The following SLC35F2 variants were observed in gnomAD, a reference collection of about 807,000 sequenced individuals.
SLC35F2 encodes the protein solute carrier family 35 member F2.
Under a neutral mutation model 38.1 loss-of-function variants are expected in SLC35F2, and 25 were observed. The observed-to-expected ratio is 0.66, with a 90% confidence interval of 0.48 to 0.92. SLC35F2 has a LOEUF of 0.92. SLC35F2 is among the 40% of genes least tolerant of loss of function. SLC35F2 has a pLI of 0.00. For missense variants in SLC35F2, 409 were observed against 452.9 expected, an observed-to-expected ratio of 0.90 and a Z score of 0.88; for synonymous variants, 173 against 181.7, an observed-to-expected ratio of 0.95 and a Z score of 0.38.
In SLC35F2 at chr11:107,858,767, TCGGCGCCCTTGCGCGTCTC is replaced by T. The variant is rs757377931; in HGVS notation, c.-19_-1del. 1.6e-6 allele frequency: 2 copies of T among 1,261,054 alleles called. No homozygotes were observed. The highest frequency in any genetic ancestry group is 2.0e-6 in the Non-Finnish European group (2 of 995,036). 78.1% of individuals were successfully genotyped at this position (1,261,054 alleles called of 1,614,324 possible). Reference sequence around the variant, plus strand: ...GGGCCCGCTGGCGAGTCTGCCTCCATCGGCGCCCTTGCGCGTCTCCGGCGCCCAAAACCCCCGAAGTGCC... The same window carrying T: ...GGGCCCGCTGGCGAGTCTGCCTCCATCGGCGCCCAAAACCCCCGAAGTGCC... On this transcript the variant is annotated 5_prime_UTR_variant, in exon 1 of 8. Coordinates refer to ENST00000525815, the MANE Select transcript of SLC35F2 (RefSeq NM_017515.5).
chr11:107,854,009 G>A (rs569720614), intron 1 of SLC35F2, among the ~76,000 whole-genome samples: 1 of 152,100 alleles, frequency 6.6e-6, no homozygotes, highest in East Asian at 1.9e-4. Context: ...TTGAGCCCAG[G>A]AGTTCAAGAT....
chr11:107,810,859 C>T, intron 3 of SLC35F2: 2 of 981,388 alleles, frequency 2.0e-6, no homozygotes, highest in Non-Finnish European at 2.4e-6. Context: ...AATTTGGAGT[C>T]AAGTAAGAAC....
At chr11:107,793,848 A>T (rs1020417634) in intron 7 of SLC35F2, among the ~76,000 whole-genome samples, 7 of 152,148 alleles carry the variant, frequency 4.6e-5, no homozygotes, top group Non-Finnish European at 7.3e-5. Context: ...AGAAATTTTA[A>T]AAGTATGGAT....
intron 3 of SLC35F2, chr11:107,810,895 AG>A: frequency 1.0e-6 from 1 of 981,088 alleles, no homozygotes; most frequent in Non-Finnish European, 1.2e-6. Flanking sequence ...ATAGTGAGAA[AG>A]GGACATATCA....
chr11:107,819,831 C>T (rs539704476), intron 1 of SLC35F2, among the ~76,000 whole-genome samples: 1 of 152,240 alleles, frequency 6.6e-6, no homozygotes, highest in South Asian at 2.1e-4. Context: ...CTGACAACAG[C>T]CCTGAGAAAA....
intron 1 of SLC35F2, among the ~76,000 whole-genome samples, chr11:107,822,996 A>T (rs749958961): frequency 4.6e-5 from 7 of 152,130 alleles, no homozygotes; most frequent in Non-Finnish European, 7.3e-5. Flanking sequence ...TATATATAAT[A>T]TATATATGAG....
At position 107,832,896 on chromosome 11, in the gene SLC35F2, A is replaced by C. The variant is rs149711702; in HGVS notation, c.111-16931T>G. ...TTGGAAGGCTTCCCCTCAACTCCTCATGTTTAATCCTTGTGGCTAATTTGG... is the reference window on the plus strand; with the variant it reads ...TTGGAAGGCTTCCCCTCAACTCCTCCTGTTTAATCCTTGTGGCTAATTTGG... On this transcript the variant is annotated intron_variant, in intron 1 of 7. Coordinates refer to ENST00000525815, the MANE Select transcript of SLC35F2 (RefSeq NM_017515.5). Among the ~76,000 whole-genome samples, 937 of 152,230 alleles carry C rather than the reference A, an allele frequency of 6.2e-3. 11 individuals carry two copies. The highest frequency in any genetic ancestry group is 0.02 in the African/African-American group (845 of 41,534).
intron 1 of SLC35F2, chr11:107,823,153 G>A (rs1859701679): frequency 1.0e-6 from 1 of 985,154 alleles, no homozygotes; most frequent in Non-Finnish European, 1.2e-6. Context: ...AAACCAGTTG[G>A]ATCAGATTCT....
intron 3 of SLC35F2, among the ~76,000 whole-genome samples, chr11:107,808,265 G>C (rs565593811): frequency 2.5e-4 from 38 of 152,204 alleles, no homozygotes; most frequent in African/African-American, 8.2e-4. Context: ...GAAAACACTA[G>C]CTATACACCT....
intron 1 of SLC35F2, among the ~76,000 whole-genome samples, chr11:107,833,518 C>CAAAAAAA (rs34376803): frequency 1.3e-4 from 12 of 89,562 alleles, no homozygotes; most frequent in African/African-American, 4.4e-4. Flanking sequence ...GACTCTGTCT[C>CAAAAAAA]AAAAAAAAAA....
intron 3 of SLC35F2, among the ~76,000 whole-genome samples, chr11:107,807,709 G>T (rs896498271): frequency 2.6e-5 from 4 of 152,038 alleles, no homozygotes; most frequent in African/African-American, 7.2e-5. Context: ...AAGGAGCTGG[G>T]ATTACAGCCA....
chr11:107,811,431 T>C (rs1218498628), intron 3 of SLC35F2, among the ~76,000 whole-genome samples: 1 of 152,216 alleles, frequency 6.6e-6, no homozygotes, highest in African/African-American at 2.4e-5. Context: ...GCTTATTTGG[T>C]AGGAACTGTT....
intron 1 of SLC35F2, among the ~76,000 whole-genome samples, chr11:107,836,424 C>G (rs1335163047): frequency 6.6e-6 from 1 of 152,082 alleles, no homozygotes; most frequent in African/African-American, 2.4e-5. Context: ...TGTCCACACT[C>G]TCTCCCTCAC....
chr11:107,855,375 C>T (rs1860260381), intron 1 of SLC35F2, among the ~76,000 whole-genome samples: 1 of 152,062 alleles, frequency 6.6e-6, no homozygotes. Context: ...CGTCCATGGC[C>T]AGGCGTGTGG....
intron 1 of SLC35F2, among the ~76,000 whole-genome samples, chr11:107,817,697 C>T (rs1174402600): frequency 6.6e-6 from 1 of 152,064 alleles, no homozygotes; most frequent in Non-Finnish European, 1.5e-5. Flanking sequence ...ACTATTTCTT[C>T]TATCTAACAC....
intron 6 of SLC35F2, chr11:107,803,593 GTATCTT>G: frequency 1.3e-6 from 1 of 769,204 alleles, no homozygotes; most frequent in Non-Finnish European, 1.6e-6. Flanking sequence ...TCAGAATAAA[GTATCTT>G]TAAAGACATC....
chr11:107,851,856 G>A (rs560158597), intron 1 of SLC35F2, among the ~76,000 whole-genome samples: 24 of 152,268 alleles, frequency 1.6e-4, no homozygotes, highest in Non-Finnish European at 3.2e-4. Context: ...AACTGCACAA[G>A]CCACAAAAGA....
intron 3 of SLC35F2, chr11:107,811,125 G>A: frequency 2.0e-6 from 2 of 985,260 alleles, no homozygotes; most frequent in Non-Finnish European, 2.4e-6. Flanking sequence ...GAAATCAGTT[G>A]TCTTCAACTT....
chr11:107,805,071 A>T, intron 5 of SLC35F2: 1 of 985,394 alleles, frequency 1.0e-6, no homozygotes, highest in Non-Finnish European at 1.2e-6. Context: ...TATTTTCTGG[A>T]AATAACTAAA....
Sources: gnomAD v4.1 joint callset for allele counts (sites outside exome capture counted in the v4.1 genomes callset) on GRCh38, gnomAD v4.1.1 for gene constraint, MANE v1.5 for transcripts, NCBI Gene and HGNC (gene_info 2026-07-23, HGNC 2026-07-21) for gene names.